Variants in GLDN observed in about 807,000 individuals in gnomAD.
The protein encoded by GLDN is gliomedin, also known as collomin.
In GLDN, 47 loss-of-function variants were observed where a neutral mutation model predicts 56.5. The observed-to-expected ratio is 0.83, with a 90% CI of 0.66 to 1.06. The LOEUF is 1.06. Among genes scored for constraint, GLDN ranks in the 50% least tolerant of loss-of-function variants. The pLI, the probability that GLDN is intolerant of heterozygous loss-of-function variation, is 0.00. For synonymous variants in GLDN, 332 were observed against 278.8 expected, an observed-to-expected ratio of 1.19 and a Z score of -1.90; for missense variants, 782 against 714.3, an observed-to-expected ratio of 1.09 and a Z score of -1.08.
At chr15:51,354,547 A>C (rs2037138104) in intron 1 of GLDN, among the ~76,000 whole-genome samples, 1 of 152,204 alleles carries the variant, frequency 6.6e-6, no homozygotes, top group African/African-American at 2.4e-5. Flanking sequence ...AGAGTTGTTG[A>C]GACTGGGGCA....
intron 1 of GLDN, among the ~76,000 whole-genome samples, chr15:51,358,082 C>A (rs971745227): frequency 6.6e-6 from 1 of 152,180 alleles, no homozygotes; most frequent in African/African-American, 2.4e-5. Flanking sequence ...ACTTTAATTA[C>A]CACCTTTCCC....
intron 4 of GLDN, among the ~76,000 whole-genome samples, chr15:51,390,040 A>C (rs1388215145): frequency 6.6e-6 from 1 of 152,256 alleles, no homozygotes; most frequent in Non-Finnish European, 1.5e-5. Flanking sequence ...TTAGTGGAAT[A>C]GCTCAGAGCC....
chr15:51,343,095 T>C (rs777904948), intron 1 of GLDN, among the ~76,000 whole-genome samples: 1 of 152,218 alleles, frequency 6.6e-6, no homozygotes, highest in Non-Finnish European at 1.5e-5. Flanking sequence ...GGCTATTACC[T>C]CCAGTCAAGT....
chr15:51,363,386 T>C (rs914595042), intron 1 of GLDN, among the ~76,000 whole-genome samples: 4 of 152,240 alleles, frequency 2.6e-5, no homozygotes, highest in South Asian at 2.1e-4. Context: ...TTTAAAAGCA[T>C]AGGGCTCGGC....
intron 4 of GLDN, among the ~76,000 whole-genome samples, chr15:51,394,320 A>T (rs2038078742): frequency 1.3e-5 from 2 of 152,202 alleles, no homozygotes; most frequent in South Asian, 4.1e-4. Context: ...TTCTCTAAAA[A>T]TAATCCAGCA....
intron 1 of GLDN, among the ~76,000 whole-genome samples, chr15:51,365,394 C>T (rs1347679016): frequency 6.6e-6 from 1 of 151,936 alleles, no homozygotes; most frequent in East Asian, 1.9e-4. Flanking sequence ...CCATATTTTT[C>T]CTGTAATAAC....
At chr15:51,399,685 C>T (rs1360130319) in intron 6 of GLDN, among the ~76,000 whole-genome samples, 3 of 152,154 alleles carry the variant, frequency 2.0e-5, no homozygotes, top group East Asian at 1.9e-4. Context: ...TCCTCTAAAT[C>T]GGTGTTTCCC....
At chr15:51,382,113 C>T (rs1277336306) in intron 2 of GLDN, among the ~76,000 whole-genome samples, 3 of 152,144 alleles carry the variant, frequency 2.0e-5, no homozygotes, top group Non-Finnish European at 2.9e-5. Context: ...CTCCTGGTGG[C>T]CCCTTCATGG....
Position 51,394,951 on chromosome 15 carries a change from G to T in GLDN, c.658G>T (p.Gly220Ter). ...PGQKGEKGDK[G>*]DVSNDVLLAG... ...GCAGAAGGGAGAAAAGGGTGACAAAGGAGATGTGTCCAACGACGTGCTCCT... is the reference window on the plus strand; with the variant it reads ...GCAGAAGGGAGAAAAGGGTGACAAATGAGATGTGTCCAACGACGTGCTCCT... Residue 220 changes from glycine to a stop codon, truncating the protein, a stop_gained, in exon 5 of 10, where the codon GGA becomes TGA. Coordinates refer to ENST00000335449, the MANE Select transcript of GLDN (RefSeq NM_181789.4). LOFTEE classifies it high-confidence loss of function. The T allele has an allele frequency of 6.2e-7, 1 of 1,609,390 alleles. No individual in the cohort carries two copies. Among genetic ancestry groups the T allele is most frequent in the Non-Finnish European group, 8.5e-7 (1 of 1,178,184 alleles).
chr15:51,361,936 C>CA (rs1324681428), intron 1 of GLDN, among the ~76,000 whole-genome samples: 1 of 151,644 alleles, frequency 6.6e-6, no homozygotes, highest in Non-Finnish European at 1.5e-5. Context: ...ATCTAAAAAA[C>CA]AAAAAGAACA....
At position 51,368,183 on chromosome 15, in the gene GLDN, C is replaced by G. The variant is rs140693043; in HGVS notation, c.364-9266C>G. Among the ~76,000 whole-genome samples the G allele has an allele frequency of 8.7e-3, 1,327 of 152,164 alleles. 19 individuals carry two copies. Among genetic ancestry groups the G allele is most frequent in the African/African-American group, 0.03 (1,252 of 41,528 alleles). The stretch of plus-strand genomic sequence containing the variant: ...CAATGCTGAAGTCTTTTTTGAGTAC[C>G]TACTATGTGCTTGATGCCATTCTGG... On this transcript the variant is annotated intron_variant, in intron 1 of 9. Transcript: ENST00000335449.
intron 4 of GLDN, among the ~76,000 whole-genome samples, chr15:51,387,600 G>C (rs2470183): frequency 0.21 from 31,399 of 152,118 alleles, 3,984 homozygotes; most frequent in Admixed American, 0.29. Flanking sequence ...CAACCTTCCA[G>C]GCCATTGCTG....
intron 1 of GLDN, among the ~76,000 whole-genome samples, chr15:51,375,175 A>G (rs1452078597): frequency 1.8e-4 from 27 of 152,248 alleles, no homozygotes; most frequent in Admixed American, 1.8e-3. Context: ...TAGATACAAT[A>G]CAAAAATTAT....
At chr15:51,377,809 G>T (rs1431538973) in intron 2 of GLDN, among the ~76,000 whole-genome samples, 1 of 152,210 alleles carries the variant, frequency 6.6e-6, no homozygotes, top group Admixed American at 6.5e-5. Context: ...AAGAAAGGAA[G>T]GGAAAAGACC....
At chr15:51,408,471 T>C (rs1454772777), downstream of GLDN, among the ~76,000 whole-genome samples, 1 of 152,216 alleles carries the variant, frequency 6.6e-6, no homozygotes, top group Non-Finnish European at 1.5e-5. Flanking sequence ...TTATACAGTT[T>C]TTGGCAAATT....
At chr15:51,355,061 C>G (rs975688422) in intron 1 of GLDN, among the ~76,000 whole-genome samples, 30 of 152,138 alleles carry the variant, frequency 2.0e-4, no homozygotes, top group Non-Finnish European at 4.4e-5. Context: ...GGAAAGAGGT[C>G]CTTATCCAGA....
intron 2 of GLDN, among the ~76,000 whole-genome samples, chr15:51,380,956 T>C (rs2037744206): frequency 6.6e-6 from 1 of 152,174 alleles, no homozygotes; most frequent in Admixed American, 6.5e-5. Flanking sequence ...TCTATGATGC[T>C]CGGATAAAAA....
In GLDN at chr15:51,406,422, C is replaced by T. The variant is rs2038385365; in HGVS notation, c.*1668C>T. ...GTAAAGATTTTTCAGCAACTTGTCCCAATTTGTGTGTATTCTGAAACTTTC... is the reference window on the plus strand; with the variant it reads ...GTAAAGATTTTTCAGCAACTTGTCCTAATTTGTGTGTATTCTGAAACTTTC... On this transcript the variant is annotated 3_prime_UTR_variant, in exon 10 of 10. Coordinates refer to ENST00000335449, the MANE Select transcript of GLDN (RefSeq NM_181789.4). 1 of 152,148 alleles carries T rather than the reference C, an allele frequency of 6.6e-6. No homozygotes were observed. The highest frequency in any genetic ancestry group is 2.4e-5 in the African/African-American group (1 of 41,428). The allele number at this position is 152,148 out of a possible 1,614,324, so 9.4% of individuals were successfully genotyped here.
rs540743268 is a variant in GLDN, at chr15:51,343,073, T to C, written c.363+1026T>C. ...CAACAGTCTTGTTTCACTTTATAAT[T>C]AGAAAGATTTCGGCTATTACCTCCA... On this transcript the variant is annotated intron_variant, in intron 1 of 9. Coordinates refer to ENST00000335449, the MANE Select transcript of GLDN (RefSeq NM_181789.4). Among the ~76,000 whole-genome samples the C allele has an allele frequency of 2.0e-5, 3 of 152,358 alleles. No homozygotes were observed. The South Asian group carries it at 6.2e-4, about 32-fold the overall frequency.
Sources: gnomAD v4.1 joint callset for allele counts (sites outside exome capture counted in the v4.1 genomes callset) on GRCh38, gnomAD v4.1.1 for gene constraint, MANE v1.5 for transcripts, NCBI Gene and HGNC (gene_info 2026-07-23, HGNC 2026-07-21) for gene names.